The following PSME4 variants were observed in gnomAD, a reference collection of about 807,000 sequenced individuals.
PSME4 encodes the protein proteasome activator complex subunit 4.
A neutral mutation model predicts 253.9 loss-of-function variants in PSME4; 89 were observed. That is an observed-to-expected ratio of 0.35 (90% CI 0.30 to 0.42). The LOEUF (loss-of-function observed/expected upper bound fraction) is 0.42, where lower values mean the gene tolerates loss of function less well. PSME4 is among the 10% of genes least tolerant of loss of function. The pLI, the probability that PSME4 is intolerant of heterozygous loss-of-function variation, is 1.00. For synonymous variants in PSME4, 851 were observed against 759.2 expected, an observed-to-expected ratio of 1.12 and a Z score of -1.99; for missense variants, 2,014 against 2,195.2, an observed-to-expected ratio of 0.92 and a Z score of 1.65.
chr2:53,866,797 G>T lies in PSME4; in HGVS notation c.5347C>A (p.Gln1783Lys). 1.2e-6 allele frequency: 2 copies of T among 1,613,856 alleles called. No individual in the cohort carries two copies. The highest frequency in any genetic ancestry group is 1.7e-6 in the Non-Finnish European group (2 of 1,179,788). The change falls in exon 45 of 47, where the codon CAG (glutamine) becomes AAG (lysine). Residue 1783 changes from glutamine to lysine, a missense_variant. This residue lies in a region of PSME4 where 403 missense variants were observed against 556.1 expected (regional missense o/e 0.72). Transcript: ENST00000404125. ...SPYDVPTWMP[Q>K]LLMNLSAHLN... ...TGTGCACTGAGATTCATGAGGAGCT[G>T]GGGCATCCAGGTGGGAACATCGTAA...
In PSME4 at chr2:53,895,587, G is replaced by A; in HGVS notation, c.3838C>T (p.Pro1280Ser). The change falls in exon 33 of 47, where the codon CCA becomes TCA. Residue 1280 changes from proline to serine, a missense_variant. Physicochemically the swap from Pro to Ser is moderately conservative, Grantham distance 74 (BLOSUM62 -1). Around this residue, in one of 4 missense-constraint regions of PSME4, gnomAD observed 989 missense variants for 1,021.1 expected, o/e 0.97. Coordinates refer to ENST00000404125, the MANE Select transcript of PSME4 (RefSeq NM_014614.3). ...GGTGCACAGTAAGTTACTTACTTTG[G>A]CCAGGTGTAGTATCCCCAGTGAGTT... ...EKTHWGYYTW[P>S]KNMVVYAGVE... 1 of 1,608,570 alleles carries A rather than the reference G, an allele frequency of 6.2e-7. No individual in the cohort carries two copies. Among genetic ancestry groups the A allele is most frequent in the Non-Finnish European group, 8.5e-7 (1 of 1,178,000 alleles).
chr2:53,927,289 A>C (rs1292201518), intron 12 of PSME4, 105 bp downstream of exon 12: 1 of 809,442 alleles, frequency 1.2e-6, no homozygotes, highest in Non-Finnish European at 2.1e-6. Context: ...GTCACAAAAT[A>C]GTGATTTTAC....
At chr2:53,878,352 T>A (rs1679228575) in intron 41 of PSME4, among the ~76,000 whole-genome samples, 1 of 152,208 alleles carries the variant, frequency 6.6e-6, no homozygotes, top group African/African-American at 2.4e-5. Flanking sequence ...AAGCTGAGGA[T>A]GAATGTCGCC....
chr2:53,897,572 C>A lies in PSME4; in HGVS notation c.3606+298G>T, dbSNP rs1680200233. Among the ~76,000 whole-genome samples, 3 of 152,146 alleles carry A rather than the reference C, an allele frequency of 2.0e-5. 1 individual carries two copies. The highest frequency in any genetic ancestry group is 4.1e-4 in the South Asian group (2 of 4,826). On this transcript the variant is annotated intron_variant, in intron 31 of 46. Coordinates refer to ENST00000404125, the MANE Select transcript of PSME4 (RefSeq NM_014614.3). ...CACTTGGAGAGTAAAAAGCTATACC[C>A]TCGAGTTTCTTGCCCCTCCTGAAAC...
intron 41 of PSME4, among the ~76,000 whole-genome samples, chr2:53,877,630 G>A (rs535591708): frequency 9.9e-5 from 15 of 152,276 alleles, no homozygotes; most frequent in African/African-American, 3.4e-4. Context: ...AGAATAGGGT[G>A]ATCAGATACC....
intron 4 of PSME4, 24 bp from the exon 5 acceptor site, chr2:53,937,564 T>A (rs1000312459): frequency 6.2e-7 from 1 of 1,600,778 alleles, no homozygotes; most frequent in African/African-American, 1.4e-5. Flanking sequence ...AAGGTTTTCA[T>A]GTATCTGATT....
intron 20 of PSME4, among the ~76,000 whole-genome samples, chr2:53,918,036 G>GA (rs947300097): frequency 6.6e-6 from 1 of 152,070 alleles, no homozygotes; most frequent in Non-Finnish European, 1.5e-5. Context: ...TTTTTGGAGT[G>GA]AAAAAAATGG....
At chr2:53,877,475 T>C (rs546786893) in intron 41 of PSME4, among the ~76,000 whole-genome samples, 3 of 152,044 alleles carry the variant, frequency 2.0e-5, no homozygotes, top group Non-Finnish European at 4.4e-5. Flanking sequence ...CAAACTATCA[T>C]AGTGAATTAA....
chr2:53,950,055 A>G (rs805448), intron 1 of PSME4, among the ~76,000 whole-genome samples: 63,767 of 151,986 alleles, frequency 0.42, 14,057 homozygotes, highest in African/African-American at 0.55. Flanking sequence ...CAGGAGGATC[A>G]CTTGAACCCA....
intron 1 of PSME4, among the ~76,000 whole-genome samples, chr2:53,966,102 T>G (rs1488241573): frequency 6.6e-6 from 1 of 152,138 alleles, no homozygotes; most frequent in South Asian, 2.1e-4. Context: ...CTGGGCAACA[T>G]GGCAAAACCC....
At chr2:53,924,561 G>T (rs992111462) in intron 14 of PSME4, among the ~76,000 whole-genome samples, 1 of 152,114 alleles carries the variant, frequency 6.6e-6, no homozygotes, top group South Asian at 2.1e-4. Flanking sequence ...GATGTCATAA[G>T]CAATTTCTAA....
intron 1 of PSME4, among the ~76,000 whole-genome samples, chr2:53,970,020 C>A (rs1215246365): frequency 2.0e-5 from 3 of 152,150 alleles, no homozygotes; most frequent in African/African-American, 7.2e-5. Flanking sequence ...CCCCAAAAAG[C>A]AAAACCCTTA....
At chr2:53,898,067 G>A (rs1253795474) in intron 30 of PSME4, 68 bp from the exon 31 acceptor site, 2 of 1,502,118 alleles carry the variant, frequency 1.3e-6, no homozygotes, top group African/African-American at 2.8e-5. Context: ...AACTGTATGT[G>A]AAACACCTTA....
rs1680160466 is a variant in PSME4 at position 53,896,868 on chromosome 2, A to G, written c.3624T>C (p.Val1208=). 1.2e-6 allele frequency: 2 copies of G among 1,611,818 alleles called. No individual in the cohort carries two copies. The highest frequency in any genetic ancestry group is 1.7e-6 in the Non-Finnish European group (2 of 1,178,040). Residue 1208 remains valine (V), a synonymous_variant, in exon 32 of 47, where the codon GTT becomes GTC. Coordinates refer to ENST00000404125, the MANE Select transcript of PSME4 (RefSeq NM_014614.3). ...IVVRKMAISA[V]AGILKQLKRT... is the part of the protein sequence containing the mutation. ...TTTTTAGCTGTTTAAGGATACCAGC[A>G]ACAGCTGAGATAGCCATCTAGAAAA...
chr2:53,930,582 G>C (rs1035714698), intron 10 of PSME4, among the ~76,000 whole-genome samples: 1 of 152,220 alleles, frequency 6.6e-6, no homozygotes, highest in Admixed American at 6.5e-5. Flanking sequence ...AAAAATAGGA[G>C]AAGTTGGGAA....
In PSME4 at chr2:53,960,169, G is replaced by T. The variant is rs146745997; in HGVS notation, c.242+10374C>A. Among the ~76,000 whole-genome samples the T allele has an allele frequency of 7.3e-3, 1,104 of 152,264 alleles. 24 individuals carry two copies. Among genetic ancestry groups the T allele is most frequent in the African/African-American group, 0.025 (1,051 of 41,550 alleles). The stretch of plus-strand genomic sequence containing the variant: ...AATCTCAGCACTTTGGGAGGCTGAG[G>T]CAGGTGGATCACTTGAAGTCAGGAG... On this transcript the variant is annotated intron_variant, in intron 1 of 46. Transcript: ENST00000404125.
In PSME4 at chr2:53,904,017, C is replaced by T. The variant is rs17045370; in HGVS notation, c.3075+8G>A. 0.084 allele frequency: 133,859 copies of T among 1,595,304 alleles called. 6,904 individuals carry two copies. The highest frequency in any genetic ancestry group is 0.26 in the East Asian group (11,396 of 44,658). The stretch of plus-strand genomic sequence containing the variant: ...TGTTTACAGTAAAATAGGAAAAAAA[C>T]CCTATACCTTGAATTGTTGCTGTGT... On this transcript the variant is annotated splice_region_variant and intron_variant, in intron 27 of 46. Coordinates refer to ENST00000404125, the MANE Select transcript of PSME4 (RefSeq NM_014614.3).
chr2:53,955,949 A>T (rs1164554261), intron 1 of PSME4, among the ~76,000 whole-genome samples: 5 of 152,120 alleles, frequency 3.3e-5, no homozygotes, highest in Non-Finnish European at 7.3e-5. Context: ...ACAAAAAAAG[A>T]AAAAAGTAGA....
Position 53,887,440 on chromosome 2 carries a change from A to G in PSME4, c.4548T>C (p.Asp1516=). 2 of 1,613,616 alleles carry G rather than the reference A, an allele frequency of 1.2e-6. No individual in the cohort carries two copies. Among genetic ancestry groups the G allele is most frequent in the Non-Finnish European group, 8.5e-7 (1 of 1,179,558 alleles). The part of the protein sequence containing the change: ...GSVLTYIFMI[D]VSLPNTTPTI... ...TTGGTGTGGTATTTGGCAAAGATACATCTATCATGAATATGTAGGTCAGCA... is the reference window on the plus strand; with the variant it reads ...TTGGTGTGGTATTTGGCAAAGATACGTCTATCATGAATATGTAGGTCAGCA... Residue 1516 remains aspartate, a synonymous_variant, in exon 40 of 47, where the codon GAT becomes GAC. Transcript: ENST00000404125.
Sources: allele counts gnomAD v4.1 joint callset (sites outside exome capture counted in the v4.1 genomes callset), GRCh38; gene constraint gnomAD v4.1.1; regional missense constraint gnomAD v4.1.1; transcripts MANE v1.5; gene names NCBI Gene and HGNC (gene_info 2026-07-23, HGNC 2026-07-21).